The following NCKAP5 variants were observed in gnomAD, a reference collection of about 807,000 sequenced individuals.
NCKAP5 encodes NCK associated protein 5, also known as nck-associated protein 5.
In NCKAP5, 92 loss-of-function variants were observed where a neutral mutation model predicts 167.0. That is an observed-to-expected ratio of 0.55 (90% CI 0.47 to 0.66). The LOEUF (loss-of-function observed/expected upper bound fraction) is 0.66, where lower values mean the gene tolerates loss of function less well. Ranked by LOEUF, NCKAP5 falls within the 30% of genes least tolerant of loss-of-function variation. The pLI, the probability that NCKAP5 is intolerant of heterozygous loss-of-function variation, is 0.00. For missense variants in NCKAP5, 2,378 were observed against 2,315.0 expected (o/e 1.03, Z -0.56); for synonymous variants, 891 against 877.4 (o/e 1.02, Z -0.27).
chr2:133,404,716 TTTGTCCA>T (rs2151033236), intron 3 of NCKAP5, among the ~76,000 whole-genome samples: 1 of 152,278 alleles, frequency 6.6e-6, no homozygotes, highest in Admixed American at 6.5e-5. Flanking sequence ...TCAGGGAAAA[TTTGTCCA>T]TTGTCTTTCT....
Position 133,014,970 on chromosome 2 carries a change from A to C in NCKAP5, c.342-20731T>G, listed in dbSNP as rs2078280356. Among the ~76,000 whole-genome samples the C allele has an allele frequency of 2.0e-5, 3 of 152,248 alleles. No individual in the cohort carries two copies. The South Asian group carries it at 6.2e-4, about 32-fold the overall frequency. ...ATGACAGTTTTATATGGTTCAACCT[A>C]ATAAACACATTAAAGTAAATTTTGA... On this transcript the variant is annotated intron_variant, in intron 6 of 19. Coordinates refer to ENST00000409261, the MANE Select transcript of NCKAP5 (RefSeq NM_207363.3).
chr2:133,140,146 C>T (rs1021627429), intron 5 of NCKAP5, among the ~76,000 whole-genome samples: 2 of 152,212 alleles, frequency 1.3e-5, no homozygotes, highest in African/African-American at 2.4e-5. Flanking sequence ...ACTTATTATT[C>T]TATCCCCTTG....
At chr2:132,933,859 A>T (rs182537624) in intron 8 of NCKAP5, among the ~76,000 whole-genome samples, 3 of 152,334 alleles carry the variant, frequency 2.0e-5, no homozygotes, top group African/African-American at 7.2e-5. Flanking sequence ...GGGGAAAAAA[A>T]AGAGCTACAA....
intron 6 of NCKAP5, among the ~76,000 whole-genome samples, chr2:133,024,685 A>G (rs147225255): frequency 0.012 from 1,753 of 152,204 alleles, 28 homozygotes; most frequent in Non-Finnish European, 0.013. Context: ...ATTATATGCT[A>G]TTTGGAAATA....
chr2:132,995,766 T>C lies in NCKAP5; in HGVS notation c.342-1527A>G, dbSNP rs111898324. On this transcript the variant is annotated intron_variant, in intron 6 of 19. Coordinates refer to ENST00000409261, the MANE Select transcript of NCKAP5 (RefSeq NM_207363.3). ...GACGTGAGTGGATCACCTGAGGTCA[T>C]GAGTTCAAGAGCAGCCTGGCCAACA... Among the ~76,000 whole-genome samples, 713 of 151,800 alleles carry C rather than the reference T, an allele frequency of 4.7e-3. 11 individuals carry two copies. The highest frequency in any genetic ancestry group is 0.016 in the African/African-American group (673 of 41,408).
At chr2:133,628,668 G>GC in the NCKAP5 span, among the ~76,000 whole-genome samples, 26 of 152,248 alleles carry the variant, frequency 1.7e-4, no homozygotes, top group South Asian at 5.0e-3. Flanking sequence ...CAAAAAAAGA[G>GC]CCCGTATAGC....
chr2:132,965,543 C>T (rs2076633858), intron 7 of NCKAP5, among the ~76,000 whole-genome samples: 1 of 152,116 alleles, frequency 6.6e-6, no homozygotes, highest in Non-Finnish European at 1.5e-5. Flanking sequence ...ATTCATCACT[C>T]AGCATATGCC....
intron 6 of NCKAP5, among the ~76,000 whole-genome samples, chr2:133,108,335 G>T (rs2149706817): frequency 6.6e-6 from 1 of 152,244 alleles, no homozygotes; most frequent in Non-Finnish European, 1.5e-5. Flanking sequence ...AGCATCCCAG[G>T]ATAGCACCTC....
chr2:133,542,666 G>A (rs186459705), intron 2 of NCKAP5, among the ~76,000 whole-genome samples: 1 of 152,254 alleles, frequency 6.6e-6, no homozygotes, highest in East Asian at 1.9e-4. Context: ...TTTACACTGT[G>A]ATCTTCATCC....
intron 6 of NCKAP5, among the ~76,000 whole-genome samples, chr2:133,125,842 G>C (rs994360549): frequency 6.6e-6 from 1 of 152,064 alleles, no homozygotes; most frequent in South Asian, 2.1e-4. Flanking sequence ...ACCTCTGGTG[G>C]CATATCCAAT....
intron 6 of NCKAP5, among the ~76,000 whole-genome samples, chr2:133,064,876 A>C (rs763142615): frequency 3.9e-5 from 6 of 152,236 alleles, no homozygotes; most frequent in Non-Finnish European, 5.9e-5. Flanking sequence ...CTGGAACTTA[A>C]AAGTTTATTA....
At chr2:133,469,197 G>A (rs1004467925) in intron 3 of NCKAP5, among the ~76,000 whole-genome samples, 46 of 152,050 alleles carry the variant, frequency 3.0e-4, no homozygotes, top group African/African-American at 1.0e-3. Context: ...CTCTTTTAGG[G>A]CAGGCCTGGT....
chr2:132,927,101 T>C (rs2149035996), intron 8 of NCKAP5, among the ~76,000 whole-genome samples: 1 of 152,306 alleles, frequency 6.6e-6, no homozygotes, highest in East Asian at 1.9e-4. Context: ...GCAATCCAAT[T>C]TTCCCAGCAC....
At chr2:132,737,353 C>A (rs1455696073) in intron 16 of NCKAP5, among the ~76,000 whole-genome samples, 1 of 152,116 alleles carries the variant, frequency 6.6e-6, no homozygotes, top group African/African-American at 2.4e-5. Flanking sequence ...CTCCTAGAAG[C>A]AAATACAGGA....
chr2:133,019,914 A>C (rs1216406583), intron 6 of NCKAP5, among the ~76,000 whole-genome samples: 1 of 152,206 alleles, frequency 6.6e-6, no homozygotes, highest in African/African-American at 2.4e-5. Context: ...GAGCCTGCAC[A>C]CTGCTATGGG....
intron 16 of NCKAP5, among the ~76,000 whole-genome samples, chr2:132,743,999 C>T (rs1209573929): frequency 1.3e-5 from 2 of 151,446 alleles, no homozygotes; most frequent in Non-Finnish European, 3.0e-5. Flanking sequence ...CATTATAATC[C>T]TAAATATGTA....
chr2:132,708,857 T>G (rs2033333), intron 19 of NCKAP5, among the ~76,000 whole-genome samples: 4 of 152,084 alleles, frequency 2.6e-5, no homozygotes, highest in Non-Finnish European at 5.9e-5. Context: ...TGTCTTTTTT[T>G]GGGTTGTATT....
At chr2:133,033,402 C>G (rs2078943585) in intron 6 of NCKAP5, among the ~76,000 whole-genome samples, 2 of 152,118 alleles carry the variant, frequency 1.3e-5, no homozygotes, top group African/African-American at 4.8e-5. Context: ...TACAAATAAG[C>G]CCAGACAGTA....
chr2:133,212,262 C>T (rs193263568), intron 5 of NCKAP5, among the ~76,000 whole-genome samples: 3 of 152,336 alleles, frequency 2.0e-5, no homozygotes, highest in Admixed American at 2.0e-4. Context: ...AGCCCATCAA[C>T]ATTTTGAAAT....
Sources: gnomAD v4.1 joint callset for allele counts (sites outside exome capture counted in the v4.1 genomes callset) on GRCh38, gnomAD v4.1.1 for gene constraint, MANE v1.5 for transcripts, NCBI Gene and HGNC (gene_info 2026-07-23, HGNC 2026-07-21) for gene names.